Variants in PRKD1 observed in about 807,000 individuals in gnomAD.
PRKD1 encodes the protein serine/threonine-protein kinase D1.
A neutral mutation model predicts 95.9 loss-of-function variants in PRKD1; 63 were observed. The ratio of observed to expected loss-of-function variants is 0.66; its 90% CI spans 0.54 to 0.81. The LOEUF (loss-of-function observed/expected upper bound fraction) is 0.81, where lower values mean the gene tolerates loss of function less well. Ranked by LOEUF, PRKD1 falls within the 30% of genes least tolerant of loss-of-function variation. The pLI, the probability that PRKD1 is intolerant of heterozygous loss-of-function variation, is 0.00. For synonymous variants in PRKD1, 425 were observed against 423.1 expected (o/e 1.00, Z -0.05); for missense variants, 1,048 against 1,165.3 (o/e 0.90, Z 1.47).
chr14:29,860,650 T>G (rs1892678289), intron 1 of PRKD1, among the ~76,000 whole-genome samples: 1 of 152,264 alleles, frequency 6.6e-6, no homozygotes, highest in Non-Finnish European at 1.5e-5. Context: ...AATTTTAAGA[T>G]TCCATGTATT....
intron 1 of PRKD1, among the ~76,000 whole-genome samples, chr14:29,887,534 A>G (rs983766199): frequency 3.9e-5 from 6 of 152,232 alleles, no homozygotes; most frequent in African/African-American, 1.4e-4. Context: ...TATGACAGAT[A>G]CAACGATACA....
intron 1 of PRKD1, among the ~76,000 whole-genome samples, chr14:29,913,814 G>C (rs1384876777): frequency 6.6e-6 from 1 of 152,204 alleles, no homozygotes; most frequent in Admixed American, 6.5e-5. Context: ...GCTAAGATGA[G>C]TTATCTGAAG....
At chr14:29,790,468 T>C (rs1889493791) in intron 1 of PRKD1, among the ~76,000 whole-genome samples, 1 of 152,216 alleles carries the variant, frequency 6.6e-6, no homozygotes, top group Non-Finnish European at 1.5e-5. Context: ...CTTATTGATA[T>C]AAGCATTAAT....
At chr14:29,852,172 C>T (rs1594577684) in intron 1 of PRKD1, among the ~76,000 whole-genome samples, 1 of 152,148 alleles carries the variant, frequency 6.6e-6, no homozygotes, top group Admixed American at 6.5e-5. Context: ...ATGCCACAAA[C>T]CTCAGCATCA....
intron 16 of PRKD1, among the ~76,000 whole-genome samples, chr14:29,584,296 A>G (rs193124195): frequency 1.3e-5 from 2 of 151,922 alleles, no homozygotes; most frequent in East Asian, 3.9e-4. Context: ...TTGTATGCAG[A>G]AGGTAGATTT....
chr14:29,886,497 A>G (rs1340330688), intron 1 of PRKD1, among the ~76,000 whole-genome samples: 1 of 152,218 alleles, frequency 6.6e-6, no homozygotes, highest in Non-Finnish European at 1.5e-5. Flanking sequence ...TAGTTCTACT[A>G]AACTGGTGGC....
chr14:29,587,808 T>C (rs1892988344), intron 16 of PRKD1, among the ~76,000 whole-genome samples: 2 of 152,200 alleles, frequency 1.3e-5, no homozygotes, highest in Admixed American at 6.5e-5. Context: ...TTCCTTCTTA[T>C]TGTATAAAAT....
At chr14:29,822,154 A>G (rs1890939129) in intron 1 of PRKD1, among the ~76,000 whole-genome samples, 1 of 152,182 alleles carries the variant, frequency 6.6e-6, no homozygotes, top group Non-Finnish European at 1.5e-5. Flanking sequence ...ATGGAAAGCA[A>G]TCTGTTTTTC....
chr14:29,838,052 T>C (rs1183303221), intron 1 of PRKD1, among the ~76,000 whole-genome samples: 1 of 151,980 alleles, frequency 6.6e-6, no homozygotes, highest in Non-Finnish European at 1.5e-5. Context: ...AGCACAAAAC[T>C]CCCCCTGTTT....
At chr14:29,912,821 T>C (rs34436097) in intron 1 of PRKD1, among the ~76,000 whole-genome samples, 2 of 152,228 alleles carry the variant, frequency 1.3e-5, no homozygotes, top group Admixed American at 6.5e-5. Flanking sequence ...TCTAAGTCCA[T>C]GTATTTTGCC....
At chr14:29,700,496 TA>T (rs1161371156) in intron 2 of PRKD1, among the ~76,000 whole-genome samples, 1 of 152,202 alleles carries the variant, frequency 6.6e-6, no homozygotes, top group African/African-American at 2.4e-5. Context: ...AACTTCTTCC[TA>T]TTTTTTCTGT....
intron 17 of PRKD1, 61 bp downstream of exon 17, chr14:29,578,214 C>T: frequency 1.6e-6 from 2 of 1,265,652 alleles, no homozygotes; most frequent in Non-Finnish European, 2.2e-6. Context: ...TTCTAAATAT[C>T]AAAATCCTAT....
chr14:29,738,687 G>A (rs1886840984), intron 1 of PRKD1, among the ~76,000 whole-genome samples: 1 of 152,132 alleles, frequency 6.6e-6, no homozygotes, highest in South Asian at 2.1e-4. Flanking sequence ...TCCTTCTGTA[G>A]TTCTTTGTTT....
chr14:29,584,905 T>C (rs1892865333), intron 16 of PRKD1, among the ~76,000 whole-genome samples: 1 of 152,174 alleles, frequency 6.6e-6, no homozygotes, highest in Admixed American at 6.5e-5. Flanking sequence ...GGCTGATCTC[T>C]TTTGTCAAGA....
intron 1 of PRKD1, among the ~76,000 whole-genome samples, chr14:29,770,930 C>CAAAAAAAAAAAA (rs753745571): frequency 4.2e-5 from 2 of 47,164 alleles, no homozygotes; most frequent in Non-Finnish European, 1.1e-4. Context: ...AGACACTGTC[C>CAAAAAAAAAAAA]AAAAAAAAAA....
chr14:29,776,259 C>G (rs573725909), intron 1 of PRKD1, among the ~76,000 whole-genome samples: 2 of 152,216 alleles, frequency 1.3e-5, no homozygotes, highest in Non-Finnish European at 2.9e-5. Flanking sequence ...CAAAGGAATG[C>G]AGCTCCTCAC....
Position 29,597,486 on chromosome 14 carries a change from A to G in PRKD1, c.2434+5T>C. On this transcript the variant is annotated splice_donor_5th_base_variant and intron_variant, in intron 16 of 17. Coordinates refer to ENST00000331968, the MANE Select transcript of PRKD1 (RefSeq NM_002742.3). ...TTATTATCATTTTTGAATGGAAGAT[A>G]TTACCTTCATGAGATATTTCCTTCC... 1 of 1,589,050 alleles carries G rather than the reference A, an allele frequency of 6.3e-7. No individual in the cohort carries two copies. The highest frequency in any genetic ancestry group is 8.6e-7 in the Non-Finnish European group (1 of 1,161,284).
At chr14:29,714,144 A>ATTAGATGTAATAAG (rs1447225994) in intron 2 of PRKD1, among the ~76,000 whole-genome samples, 2 of 152,152 alleles carry the variant, frequency 1.3e-5, no homozygotes, top group Admixed American at 1.3e-4. Context: ...AAAAACAAAC[A>ATTAGATGTAATAAG]TTAGATGTAA....
At chr14:29,907,378 A>C (rs1894530557) in intron 1 of PRKD1, among the ~76,000 whole-genome samples, 1 of 152,272 alleles carries the variant, frequency 6.6e-6, no homozygotes, top group African/African-American at 2.4e-5. Context: ...TTAAATTTTT[A>C]TACACATAGA....
Sources: allele counts gnomAD v4.1 joint callset (sites outside exome capture counted in the v4.1 genomes callset), GRCh38; gene constraint gnomAD v4.1.1; transcripts MANE v1.5; gene names NCBI Gene and HGNC (gene_info 2026-07-23, HGNC 2026-07-21).